The following MACROD2 variants were observed in gnomAD, a reference collection of about 807,000 sequenced individuals.
The protein encoded by MACROD2 is ADP-ribose glycohydrolase MACROD2.
In MACROD2, 36 loss-of-function variants were observed where a neutral mutation model predicts 70.4. The observed-to-expected ratio is 0.51, with a 90% CI of 0.39 to 0.68. The LOEUF is 0.68. Ranked by LOEUF, MACROD2 falls within the 30% of genes least tolerant of loss-of-function variation. MACROD2 has a pLI of 0.00. For missense variants in MACROD2, 496 were observed against 538.4 expected, an observed-to-expected ratio of 0.92 and a Z score of 0.78; for synonymous variants, 172 against 178.8, an observed-to-expected ratio of 0.96 and a Z score of 0.30.
intron 3 of MACROD2, among the ~76,000 whole-genome samples, chr20:14,125,716 A>G (rs1169138375): frequency 6.6e-6 from 1 of 152,028 alleles, no homozygotes; most frequent in Admixed American, 6.6e-5. Flanking sequence ...TATTTGGTCT[A>G]TTTTCTATAG....
At chr20:14,302,716 C>T (rs977592163) in intron 3 of MACROD2, among the ~76,000 whole-genome samples, 5 of 151,442 alleles carry the variant, frequency 3.3e-5, no homozygotes, top group South Asian at 2.1e-4. Flanking sequence ...AGTGCAGTGG[C>T]GCGATCTTGG....
At chr20:14,093,305 T>G (rs537950040) in intron 3 of MACROD2, among the ~76,000 whole-genome samples, 1 of 152,148 alleles carries the variant, frequency 6.6e-6, no homozygotes, top group Non-Finnish European at 1.5e-5. Context: ...TAGGGTGGTC[T>G]TGAACTCCTA....
chr20:15,968,027 CAG>C (rs1229788232), intron 13 of MACROD2, among the ~76,000 whole-genome samples: 1 of 152,104 alleles, frequency 6.6e-6, no homozygotes, highest in Non-Finnish European at 1.5e-5. Context: ...ACATAACAAA[CAG>C]AAATGAAACA....
intron 3 of MACROD2, among the ~76,000 whole-genome samples, chr20:14,087,463 C>T (rs1217962750): frequency 6.6e-6 from 1 of 151,900 alleles, no homozygotes; most frequent in East Asian, 1.9e-4. Context: ...AATCAAGGCT[C>T]AGTTTTCTCC....
chr20:14,137,861 T>G (rs947030487), intron 3 of MACROD2, among the ~76,000 whole-genome samples: 29 of 152,202 alleles, frequency 1.9e-4, no homozygotes, highest in African/African-American at 6.5e-4. Flanking sequence ...TGGAGAAATA[T>G]TTAAAAATCA....
intron 8 of MACROD2, among the ~76,000 whole-genome samples, chr20:15,581,220 G>A (rs770419914): frequency 2.6e-5 from 4 of 152,150 alleles, no homozygotes; most frequent in Non-Finnish European, 5.9e-5. Flanking sequence ...TAAGATACTG[G>A]TTTCTAAGAC....
chr20:15,024,258 T>G (rs2075212570), intron 5 of MACROD2, among the ~76,000 whole-genome samples: 1 of 152,164 alleles, frequency 6.6e-6, no homozygotes, highest in Non-Finnish European at 1.5e-5. Context: ...TACTTAATCC[T>G]TAAAATTTCT....
intron 4 of MACROD2, among the ~76,000 whole-genome samples, chr20:14,614,732 C>A (rs1983377071): frequency 6.6e-6 from 1 of 152,126 alleles, no homozygotes. Flanking sequence ...ATTAATTATT[C>A]ATTCCCTCAT....
In MACROD2 at chr20:15,586,556, AAGCC is replaced by A. The variant is rs142617460; in HGVS notation, c.645+86714_645+86717del. On this transcript the variant is annotated intron_variant, in intron 8 of 17. Coordinates refer to ENST00000684519, the MANE Select transcript of MACROD2 (RefSeq NM_001351661.2). Reference sequence around the variant, plus strand: ...ATAAAACACACTGATCTCAATATAAAAGCCAGCCTCATGCTGACCAGGAAAACAC... The same window carrying A: ...ATAAAACACACTGATCTCAATATAAAAGCCTCATGCTGACCAGGAAAACAC... 1.8e-3 allele frequency among the ~76,000 whole-genome samples: 278 copies of A among 152,330 alleles called. 1 individual carries two copies. The highest frequency in any genetic ancestry group is 6.8e-3 in the Middle Eastern group (2 of 294).
chr20:15,041,999 T>C (rs2075360136), intron 5 of MACROD2, among the ~76,000 whole-genome samples: 2 of 152,126 alleles, frequency 1.3e-5, no homozygotes, highest in South Asian at 4.1e-4. Context: ...CTGGAGAACT[T>C]GAAGCCATTC....
chr20:14,328,709 G>A (rs1201351700), intron 3 of MACROD2, among the ~76,000 whole-genome samples: 3 of 152,028 alleles, frequency 2.0e-5, no homozygotes, highest in East Asian at 1.9e-4. Context: ...GTTTATTCAA[G>A]TAATCCTATG....
At chr20:15,804,148 A>G (rs74703169) in intron 8 of MACROD2, among the ~76,000 whole-genome samples, 1,898 of 152,294 alleles carry the variant, frequency 0.012, 46 homozygotes, top group African/African-American at 0.044. Flanking sequence ...GAGAAGTTCT[A>G]TTCCATCAGA....
intron 5 of MACROD2, among the ~76,000 whole-genome samples, chr20:14,788,479 C>T (rs928081898): frequency 2.0e-5 from 3 of 149,904 alleles, no homozygotes; most frequent in Non-Finnish European, 3.0e-5. Context: ...CCAGCTACTC[C>T]GGAGGCTAAG....
At chr20:15,944,541 T>C (rs1028357458) in intron 12 of MACROD2, among the ~76,000 whole-genome samples, 2 of 152,108 alleles carry the variant, frequency 1.3e-5, no homozygotes, top group African/African-American at 4.8e-5. Flanking sequence ...TTCCAGTAAA[T>C]AAATGTTTAT....
chr20:14,148,595 C>A (rs748175339), intron 3 of MACROD2, among the ~76,000 whole-genome samples: 1 of 152,168 alleles, frequency 6.6e-6, no homozygotes, highest in Non-Finnish European at 1.5e-5. Context: ...GTTACATATT[C>A]TTTCAAGATT....
intron 2 of MACROD2, among the ~76,000 whole-genome samples, chr20:14,060,939 G>T (rs1027020526): frequency 1.3e-5 from 2 of 151,956 alleles, no homozygotes; most frequent in African/African-American, 2.4e-5. Context: ...TAGGTACCTC[G>T]TGTCTTAATA....
intron 5 of MACROD2, among the ~76,000 whole-genome samples, chr20:15,082,760 A>C (rs1311462936): frequency 6.6e-6 from 1 of 152,070 alleles, no homozygotes; most frequent in Non-Finnish European, 1.5e-5. Context: ...TGCTTTGTTC[A>C]TAATTGTGAC....
chr20:15,754,634 A>G (rs2051320533), intron 8 of MACROD2, among the ~76,000 whole-genome samples: 1 of 144,498 alleles, frequency 6.9e-6, no homozygotes, highest in South Asian at 2.2e-4. Flanking sequence ...TCTAAAAAAG[A>G]AAAAAAAAAA....
chr20:14,720,949 T>G (rs1363484846), intron 5 of MACROD2, among the ~76,000 whole-genome samples: 2 of 151,818 alleles, frequency 1.3e-5, no homozygotes, highest in Admixed American at 6.6e-5. Context: ...TTGAAGTAAA[T>G]TGAACATTAA....
Sources: gnomAD v4.1 joint callset for allele counts (sites outside exome capture counted in the v4.1 genomes callset) on GRCh38, gnomAD v4.1.1 for gene constraint, MANE v1.5 for transcripts, NCBI Gene and HGNC (gene_info 2026-07-23, HGNC 2026-07-21) for gene names.